The following PCDH15 variants were observed in gnomAD, a reference collection of about 807,000 sequenced individuals.
PCDH15 encodes protocadherin related 15, also known as protocadherin-15.
In PCDH15, 129 loss-of-function variants were observed where a neutral mutation model predicts 178.5. That is an observed-to-expected ratio of 0.72 (90% CI 0.63 to 0.84). The LOEUF (loss-of-function observed/expected upper bound fraction) is 0.84. PCDH15 is among the 40% of genes least tolerant of loss of function. PCDH15 has a pLI of 0.00. For synonymous variants in PCDH15, 800 were observed against 732.0 expected (o/e 1.09, Z -1.50); for missense variants, 2,230 against 2,099.9 (o/e 1.06, Z -1.21).
chr10:54,523,588 T>C (rs2083097681), intron 3 of PCDH15, among the ~76,000 whole-genome samples: 1 of 152,190 alleles, frequency 6.6e-6, no homozygotes, highest in Non-Finnish European at 1.5e-5. Context: ...ACATAAGTAA[T>C]TCAATTTAGG....
chr10:55,553,609 C>A (rs2048579563), intron 2 of PCDH15, among the ~76,000 whole-genome samples: 1 of 151,800 alleles, frequency 6.6e-6, no homozygotes, highest in African/African-American at 2.4e-5. Flanking sequence ...ACTTTCTCAG[C>A]CTGAATTTTT....
intron 2 of PCDH15, among the ~76,000 whole-genome samples, chr10:55,440,043 T>C (rs909206399): frequency 3.3e-5 from 5 of 152,278 alleles, no homozygotes; most frequent in East Asian, 3.9e-4. Context: ...TGTGTTGTTA[T>C]TGGCATATAG....
chr10:54,991,189 A>G (rs547290029), intron 2 of PCDH15, among the ~76,000 whole-genome samples: 2 of 152,136 alleles, frequency 1.3e-5, no homozygotes, highest in African/African-American at 2.4e-5. Context: ...AATAGTATTG[A>G]CCACTGTCTT....
At chr10:53,930,154 G>A (rs2084917784) in intron 25 of PCDH15, among the ~76,000 whole-genome samples, 1 of 152,062 alleles carries the variant, frequency 6.6e-6, no homozygotes, top group Admixed American at 6.6e-5. Context: ...TTGAAATAAT[G>A]TATTAGAAAT....
chr10:54,289,633 G>A (rs188433936), intron 8 of PCDH15, among the ~76,000 whole-genome samples: 1 of 152,138 alleles, frequency 6.6e-6, no homozygotes, highest in South Asian at 2.1e-4. Context: ...CCATTGCAAG[G>A]AAGCTAAAAT....
At chr10:55,240,821 A>G (rs1262301083) in intron 1 of PCDH15, among the ~76,000 whole-genome samples, 1 of 152,206 alleles carries the variant, frequency 6.6e-6, no homozygotes, top group East Asian at 1.9e-4. Flanking sequence ...CTTATTACCA[A>G]GCATTCTTCA....
intron 2 of PCDH15, among the ~76,000 whole-genome samples, chr10:54,657,899 A>G (rs1447285677): frequency 5.3e-5 from 8 of 152,194 alleles, no homozygotes; most frequent in Non-Finnish European, 1.2e-4. Context: ...TTCAAAATAC[A>G]GAGTGCAAGG....
At chr10:54,950,519 T>G (rs1446074356) in intron 2 of PCDH15, among the ~76,000 whole-genome samples, 4 of 152,062 alleles carry the variant, frequency 2.6e-5, no homozygotes, top group Non-Finnish European at 4.4e-5. Context: ...GCTCCTCCTT[T>G]CCTTCTGCCA....
At position 55,554,091 on chromosome 10, in the gene PCDH15, C is replaced by T. The variant is rs555525648; in HGVS notation, c.-156+73534G>A. ...TATGTAAAACTTGTGCTTGTTCCCACTACCTCTGTCCAGCCCAAAGAACTT... is the reference window on the plus strand; with the variant it reads ...TATGTAAAACTTGTGCTTGTTCCCATTACCTCTGTCCAGCCCAAAGAACTT... On this transcript the variant is annotated intron_variant, in intron 2 of 5. Coordinates refer to the PCDH15 transcript ENST00000613346. 3.7e-4 allele frequency among the ~76,000 whole-genome samples: 57 copies of T among 152,102 alleles called. 1 individual carries two copies. In the South Asian group the frequency reaches 0.012, roughly 32 times the overall value.
chr10:55,532,081 T>C (rs528845484), intron 2 of PCDH15, among the ~76,000 whole-genome samples: 1 of 152,150 alleles, frequency 6.6e-6, no homozygotes, highest in South Asian at 2.1e-4. Context: ...ATAACAGTTG[T>C]ACATAGCTAT....
intron 1 of PCDH15, among the ~76,000 whole-genome samples, chr10:55,299,156 A>G (rs1843206533): frequency 6.6e-6 from 1 of 152,146 alleles, no homozygotes; most frequent in Non-Finnish European, 1.5e-5. Context: ...CCATTTTATG[A>G]TTTATTCCAG....
At chr10:55,271,488 A>G (rs1482237826) in intron 1 of PCDH15, among the ~76,000 whole-genome samples, 2 of 152,088 alleles carry the variant, frequency 1.3e-5, no homozygotes, top group Non-Finnish European at 2.9e-5. Flanking sequence ...AAAAATAAAC[A>G]TTGCAAAGGT....
chr10:55,373,353 G>C (rs1448976671), intron 2 of PCDH15, among the ~76,000 whole-genome samples: 2 of 152,080 alleles, frequency 1.3e-5, no homozygotes, highest in Non-Finnish European at 2.9e-5. Flanking sequence ...TCTTTCCATG[G>C]GGGAAAGTAT....
At chr10:55,452,186 T>C (rs1839450361) in intron 2 of PCDH15, among the ~76,000 whole-genome samples, 2 of 152,172 alleles carry the variant, frequency 1.3e-5, no homozygotes, top group African/African-American at 4.8e-5. Flanking sequence ...AATGATTACA[T>C]ACCTATTTTA....
chr10:54,404,780 A>G (rs911864047), intron 3 of PCDH15, among the ~76,000 whole-genome samples: 5 of 152,110 alleles, frequency 3.3e-5, no homozygotes, highest in African/African-American at 1.2e-4. Context: ...TTCAGCAACT[A>G]AAAGGAATTT....
At chr10:54,840,867 T>C (rs1953406275) in intron 3 of PCDH15, among the ~76,000 whole-genome samples, 2 of 151,776 alleles carry the variant, frequency 1.3e-5, no homozygotes, top group Non-Finnish European at 3.0e-5. Context: ...TATTGATTCA[T>C]CGAGAGGATA....
intron 2 of PCDH15, among the ~76,000 whole-genome samples, chr10:54,572,768 T>C (rs1346984457): frequency 6.6e-6 from 1 of 152,092 alleles, no homozygotes; most frequent in Non-Finnish European, 1.5e-5. Context: ...GTAGAAAGCA[T>C]TGAAAATTCC....
At chr10:54,219,890 T>C (rs1291602411) in intron 9 of PCDH15, among the ~76,000 whole-genome samples, 1 of 152,058 alleles carries the variant, frequency 6.6e-6, no homozygotes, top group Non-Finnish European at 1.5e-5. Flanking sequence ...ATTAAAATTA[T>C]ATATTTTTTC....
At chr10:54,062,705 T>G in intron 18 of PCDH15, among the ~76,000 whole-genome samples, 1 of 151,626 alleles carries the variant, frequency 6.6e-6, no homozygotes. Context: ...TTATCAAATT[T>G]AAGAACCAGG....
Sources: allele counts gnomAD v4.1 joint callset (sites outside exome capture counted in the v4.1 genomes callset), GRCh38; gene constraint gnomAD v4.1.1; transcripts MANE v1.5; gene names NCBI Gene and HGNC (gene_info 2026-07-23, HGNC 2026-07-21).